The following NTM variants were observed in gnomAD, a reference collection of about 807,000 sequenced individuals.
NTM encodes the protein neurotrimin.
A neutral mutation model predicts 42.1 loss-of-function variants in NTM; 13 were observed. The ratio of observed to expected loss-of-function variants is 0.31; its 90% confidence interval spans 0.20 to 0.49. NTM has a LOEUF of 0.49. Among genes scored for constraint, NTM ranks in the 20% least tolerant of loss-of-function variants. The pLI is 0.99. For missense variants in NTM, 373 were observed against 452.8 expected (o/e 0.82, Z 1.60); for synonymous variants, 187 against 179.2 (o/e 1.04, Z -0.35).
intron 4 of NTM, among the ~76,000 whole-genome samples, chr11:132,244,756 T>C (rs1397184981): frequency 6.6e-6 from 1 of 152,192 alleles, no homozygotes; most frequent in Non-Finnish European, 1.5e-5. Context: ...GCCTGTGACC[T>C]CTGGGTGTTC....
At chr11:131,670,889 G>T (rs2070080409) in intron 1 of NTM, among the ~76,000 whole-genome samples, 1 of 152,088 alleles carries the variant, frequency 6.6e-6, no homozygotes, top group Non-Finnish European at 1.5e-5. Context: ...GCAATCCTAG[G>T]TATTCACTCA....
chr11:132,145,937 G>A (rs2070308865), intron 2 of NTM, among the ~76,000 whole-genome samples: 1 of 152,212 alleles, frequency 6.6e-6, no homozygotes, highest in Non-Finnish European at 1.5e-5. Flanking sequence ...ACATAACTAT[G>A]AAGGATTATC....
chr11:131,864,310 T>A (rs1320361507), intron 1 of NTM, among the ~76,000 whole-genome samples: 1 of 151,578 alleles, frequency 6.6e-6, no homozygotes, highest in Non-Finnish European at 1.5e-5. Flanking sequence ...AATGCGGGCT[T>A]CTGGTCAGTC....
intron 2 of NTM, among the ~76,000 whole-genome samples, chr11:131,996,562 G>A (rs1242378336): frequency 2.0e-5 from 3 of 152,116 alleles, no homozygotes; most frequent in African/African-American, 7.2e-5. Context: ...CTAATCCTTA[G>A]AGCAGCCATA....
At chr11:132,282,138 G>A (rs118052337) in intron 4 of NTM, among the ~76,000 whole-genome samples, 4,641 of 152,218 alleles carry the variant, frequency 0.03, 137 homozygotes, top group Non-Finnish European at 0.039. Flanking sequence ...ATCTGCTGAA[G>A]TCAGTATAAA....
At chr11:131,829,425 TG>T (rs1448511149) in intron 1 of NTM, among the ~76,000 whole-genome samples, 1 of 152,174 alleles carries the variant, frequency 6.6e-6, no homozygotes, top group Non-Finnish European at 1.5e-5. Flanking sequence ...CACTTATAAG[TG>T]AGAACATGCA....
Position 131,807,139 on chromosome 11 carries a change from C to A in NTM, c.83-104425C>A, listed in dbSNP as rs186539969. 1.1e-4 allele frequency among the ~76,000 whole-genome samples: 16 copies of A among 152,294 alleles called. No individual in the cohort carries two copies. In the East Asian group the frequency reaches 3.1e-3, roughly 29 times the overall value. The stretch of plus-strand genomic sequence containing the variant: ...CAGAGCACAAAGGCCCTGCCTCCCC[C>A]ATGGCTGTGACTGAAAGGAGTTATA... On this transcript the variant is annotated intron_variant, in intron 1 of 8. Coordinates refer to ENST00000683400, the MANE Select transcript of NTM (RefSeq NM_001352005.2).
At chr11:131,373,529 G>C (rs1424204824) in intron 1 of NTM, among the ~76,000 whole-genome samples, 1 of 151,880 alleles carries the variant, frequency 6.6e-6, no homozygotes, top group African/African-American at 2.4e-5. Flanking sequence ...GCTGACAGGA[G>C]GGGGGATTAG....
intron 1 of NTM, among the ~76,000 whole-genome samples, chr11:131,652,015 A>G (rs2066559947): frequency 6.6e-6 from 1 of 152,140 alleles, no homozygotes; most frequent in East Asian, 1.9e-4. Context: ...TTGTCCTGGA[A>G]GCAGACACTC....
chr11:132,332,050 A>C (rs1452236917), intron 8 of NTM, among the ~76,000 whole-genome samples: 1 of 152,184 alleles, frequency 6.6e-6, no homozygotes, highest in Non-Finnish European at 1.5e-5. Context: ...GAGGATCATG[A>C]TCGATTTGGG....
chr11:131,461,000 C>A (rs995555849), intron 1 of NTM, among the ~76,000 whole-genome samples: 6 of 152,196 alleles, frequency 3.9e-5, no homozygotes, highest in African/African-American at 1.4e-4. Flanking sequence ...TAAGCTTGTG[C>A]ACAGTCAGAA....
chr11:131,687,726 G>C (rs1013738557), intron 1 of NTM, among the ~76,000 whole-genome samples: 3 of 152,216 alleles, frequency 2.0e-5, no homozygotes, highest in African/African-American at 7.2e-5. Flanking sequence ...TTCCACAGGA[G>C]TGCCACTGGG....
At chr11:132,278,743 T>TTCTC (rs66748602) in intron 4 of NTM, among the ~76,000 whole-genome samples, 7,838 of 137,718 alleles carry the variant, frequency 0.057, 291 homozygotes, top group South Asian at 0.12. Flanking sequence ...TCATTTGGGC[T>TTCTC]TCTCTCTCTC....
At chr11:131,594,999 A>G (rs2059692944) in intron 1 of NTM, among the ~76,000 whole-genome samples, 1 of 152,198 alleles carries the variant, frequency 6.6e-6, no homozygotes, top group African/African-American at 2.4e-5. Flanking sequence ...CATCTGCTTC[A>G]TAATATTTTG....
At chr11:131,896,747 G>A (rs1265414761) in intron 1 of NTM, among the ~76,000 whole-genome samples, 1 of 147,148 alleles carries the variant, frequency 6.8e-6, no homozygotes, top group Non-Finnish European at 1.5e-5. Flanking sequence ...GGAGTGCGGT[G>A]GTGTGATCTC....
At chr11:131,726,339 AGT>A (rs1491433016) in intron 1 of NTM, among the ~76,000 whole-genome samples, 1 of 151,526 alleles carries the variant, frequency 6.6e-6, no homozygotes, top group Non-Finnish European at 1.5e-5. Flanking sequence ...TGCACAAGTC[AGT>A]GTCTGTCCTT....
intron 2 of NTM, among the ~76,000 whole-genome samples, chr11:132,068,744 G>C (rs963200222): frequency 1.1e-4 from 16 of 152,202 alleles, no homozygotes; most frequent in African/African-American, 3.9e-4. Flanking sequence ...GATGATGGGT[G>C]CTGGCTAGGC....
chr11:131,514,715 ACTACAGGTCC>A (rs2048677925), intron 1 of NTM, among the ~76,000 whole-genome samples: 1 of 152,022 alleles, frequency 6.6e-6, no homozygotes, highest in South Asian at 2.1e-4. Context: ...AGTAGCTGAG[ACTACAGGTCC>A]CTACAGGTCC....
chr11:132,130,650 C>A (rs2066646939), intron 2 of NTM, among the ~76,000 whole-genome samples: 1 of 152,214 alleles, frequency 6.6e-6, no homozygotes, highest in African/African-American at 2.4e-5. Flanking sequence ...CTAGTCTAAT[C>A]TCCTGGACCT....
Sources: gnomAD v4.1 joint callset for allele counts (sites outside exome capture counted in the v4.1 genomes callset) on GRCh38, gnomAD v4.1.1 for gene constraint, MANE v1.5 for transcripts, NCBI Gene and HGNC (gene_info 2026-07-23, HGNC 2026-07-21) for gene names.